HMG20A: variants seen among roughly 807,000 people sequenced by gnomAD.
HMG20A encodes the protein high mobility group 20A.
A neutral mutation model predicts 43.9 loss-of-function variants in HMG20A; 17 were observed. The ratio of observed to expected loss-of-function variants is 0.39; its 90% CI spans 0.27 to 0.58. The LOEUF (loss-of-function observed/expected upper bound fraction) is 0.58, where lower values mean the gene tolerates loss of function less well. Ranked by LOEUF, HMG20A falls within the 20% of genes least tolerant of loss-of-function variation. HMG20A has a pLI of 0.59. For synonymous variants in HMG20A, 132 were observed against 147.5 expected, an observed-to-expected ratio of 0.89 and a Z score of 0.76; for missense variants, 341 against 438.2, an observed-to-expected ratio of 0.78 and a Z score of 1.98.
At chr15:77,423,703 A>C (rs1486111363) in intron 1 of HMG20A, among the ~76,000 whole-genome samples, 1 of 152,212 alleles carries the variant, frequency 6.6e-6, no homozygotes, top group Non-Finnish European at 1.5e-5. Context: ...TATACATAAT[A>C]CAGAAGTGTC....
chr15:77,437,383 C>T (rs184595577), intron 1 of HMG20A, among the ~76,000 whole-genome samples: 6 of 152,044 alleles, frequency 3.9e-5, no homozygotes, highest in Non-Finnish European at 8.8e-5. Flanking sequence ...AACTATAGGT[C>T]GGGAAGTACT....
intron 1 of HMG20A, among the ~76,000 whole-genome samples, chr15:77,428,913 T>G (rs2073454524): frequency 6.6e-6 from 1 of 151,642 alleles, no homozygotes; most frequent in Admixed American, 6.6e-5. Context: ...CTGTGAGCTG[T>G]TATCGAGCCA....
intron 3 of HMG20A, 57 bp downstream of exon 3, chr15:77,464,444 A>G: frequency 1.3e-6 from 2 of 1,575,266 alleles, no homozygotes; most frequent in Non-Finnish European, 1.7e-6. Context: ...AGAAGCAGTC[A>G]CAAGGAAGGT....
chr15:77,450,680 G>A (rs1304476996), intron 1 of HMG20A, among the ~76,000 whole-genome samples: 1 of 152,224 alleles, frequency 6.6e-6, no homozygotes, highest in African/African-American at 2.4e-5. Context: ...CAGTACAGTA[G>A]CATCACCAGT....
At chr15:77,427,925 A>G (rs2073442904) in intron 1 of HMG20A, among the ~76,000 whole-genome samples, 1 of 152,200 alleles carries the variant, frequency 6.6e-6, no homozygotes, top group South Asian at 2.1e-4. Flanking sequence ...AAAATCACTT[A>G]ACCAGTAAGT....
chr15:77,476,467 A>C (rs2072856347), intron 6 of HMG20A, among the ~76,000 whole-genome samples: 1 of 139,448 alleles, frequency 7.2e-6, no homozygotes, highest in African/African-American at 2.6e-5. Context: ...CCTGGGCAAC[A>C]GAGAGGGACT....
chr15:77,489,206 G>A (rs780281747), downstream of HMG20A, among the ~76,000 whole-genome samples: 1 of 152,264 alleles, frequency 6.6e-6, no homozygotes, highest in South Asian at 2.1e-4. Flanking sequence ...AGAAATAACA[G>A]ACATATACCA....
intron 1 of HMG20A, among the ~76,000 whole-genome samples, chr15:77,444,240 G>A (rs1481336837): frequency 1.3e-5 from 2 of 152,106 alleles, no homozygotes; most frequent in Non-Finnish European, 2.9e-5. Context: ...GCCTCTACTT[G>A]GTACTGTGGT....
chr15:77,446,730 C>A lies in HMG20A; in HGVS notation c.-4-11674C>A, dbSNP rs138866053. 5.2e-3 allele frequency among the ~76,000 whole-genome samples: 784 copies of A among 151,700 alleles called. 4 individuals are homozygous for A. The highest frequency in any genetic ancestry group is 0.016 in the African/African-American group (678 of 41,380). On this transcript the variant is annotated intron_variant, in intron 1 of 9. Transcript: ENST00000336216. Reference sequence around the variant, plus strand: ...GCTGAGGCAGGAGAATGGCGTGAACCCTGGAGGCAGAGCTTGCAGTGAGCC... The same window carrying A: ...GCTGAGGCAGGAGAATGGCGTGAACACTGGAGGCAGAGCTTGCAGTGAGCC...
downstream of HMG20A, among the ~76,000 whole-genome samples, chr15:77,488,339 A>G (rs1476176638): frequency 6.6e-6 from 1 of 152,246 alleles, no homozygotes; most frequent in Non-Finnish European, 1.5e-5. Context: ...ATGTTTATAA[A>G]ACATGGTTTC....
intron 1 of HMG20A, among the ~76,000 whole-genome samples, chr15:77,445,614 C>T (rs2073664663): frequency 6.6e-6 from 1 of 152,228 alleles, no homozygotes; most frequent in South Asian, 2.1e-4. Context: ...TACCTTTTCA[C>T]TTAAAGAAGC....
chr15:77,451,248 G>A (rs753628069), intron 1 of HMG20A, among the ~76,000 whole-genome samples: 4 of 152,188 alleles, frequency 2.6e-5, no homozygotes, highest in Non-Finnish European at 5.9e-5. Context: ...TTGTGTGGAC[G>A]TAAGTTTTCC....
intron 9 of HMG20A, among the ~76,000 whole-genome samples, chr15:77,480,668 G>A (rs1168587771): frequency 6.9e-6 from 1 of 144,224 alleles, no homozygotes; most frequent in African/African-American, 2.5e-5. Context: ...AAAAGAGAGA[G>A]AAAATAAGTT....
chr15:77,442,782 A>G (rs558826757), intron 1 of HMG20A, among the ~76,000 whole-genome samples: 1 of 152,276 alleles, frequency 6.6e-6, no homozygotes, highest in East Asian at 1.9e-4. Context: ...TTTTCTGGAA[A>G]GGGGAGTATG....
the HMG20A span, among the ~76,000 whole-genome samples, chr15:77,516,921 G>A: frequency 1.2e-4 from 19 of 152,140 alleles, 1 homozygote; most frequent in Admixed American, 2.0e-4. Flanking sequence ...GGACCAGCAG[G>A]GTGGAGGCTG....
At chr15:77,511,129 G>A in the HMG20A span, among the ~76,000 whole-genome samples, 229 of 152,336 alleles carry the variant, frequency 1.5e-3, 6 homozygotes, top group East Asian at 0.03. Context: ...GTGGGAGCCA[G>A]GTTTCTTGTT....
chr15:77,502,177 G>A, the HMG20A span, among the ~76,000 whole-genome samples: 3 of 152,180 alleles, frequency 2.0e-5, no homozygotes, highest in East Asian at 3.9e-4. Flanking sequence ...TATGAAATAC[G>A]GCCATGCTGG....
At chr15:77,458,065 G>A (rs1248756213) in intron 1 of HMG20A, among the ~76,000 whole-genome samples, 1 of 152,202 alleles carries the variant, frequency 6.6e-6, no homozygotes, top group Non-Finnish European at 1.5e-5. Flanking sequence ...AGCTTGCTCA[G>A]AGTGGCAGTG....
chr15:77,513,412 G>C, the HMG20A span, among the ~76,000 whole-genome samples: 2 of 152,202 alleles, frequency 1.3e-5, no homozygotes, highest in Non-Finnish European at 2.9e-5. Flanking sequence ...ATGTAGAAGA[G>C]TATTTATAGC....
Sources: allele counts gnomAD v4.1 joint callset (sites outside exome capture counted in the v4.1 genomes callset), GRCh38; gene constraint gnomAD v4.1.1; transcripts MANE v1.5; gene names NCBI Gene and HGNC (gene_info 2026-07-23, HGNC 2026-07-21).